The following GPC6 variants were observed in gnomAD, a reference collection of about 807,000 sequenced individuals.
GPC6 encodes glypican 6.
In GPC6, 14 loss-of-function variants were observed where a neutral mutation model predicts 55.2. The observed-to-expected ratio is 0.25, with a 90% CI of 0.17 to 0.40. GPC6 has a LOEUF of 0.40. Among genes scored for constraint, GPC6 ranks in the 10% least tolerant of loss-of-function variants. GPC6 has a pLI of 1.00. For missense variants in GPC6, 641 were observed against 708.5 expected, an observed-to-expected ratio of 0.90 and a Z score of 1.08; for synonymous variants, 278 against 259.6, an observed-to-expected ratio of 1.07 and a Z score of -0.68.
intron 1 of GPC6, among the ~76,000 whole-genome samples, chr13:93,483,453 A>G (rs1879591524): frequency 6.6e-6 from 1 of 152,122 alleles, no homozygotes; most frequent in Admixed American, 6.6e-5. Context: ...AGAAATTAGA[A>G]TGTTAATTTT....
chr13:93,456,241 G>C (rs1049128869), intron 1 of GPC6, among the ~76,000 whole-genome samples: 2 of 152,082 alleles, frequency 1.3e-5, no homozygotes, highest in Non-Finnish European at 2.9e-5. Flanking sequence ...AGAGACAACA[G>C]AACAGGATCA....
chr13:93,240,914 A>T (rs1458870452), intron 1 of GPC6, among the ~76,000 whole-genome samples: 1 of 152,164 alleles, frequency 6.6e-6, no homozygotes, highest in East Asian at 1.9e-4. Context: ...GTTTTGCACC[A>T]TACAAAATTC....
At position 94,027,869 on chromosome 13, in the gene GPC6, C is replaced by A. The variant is rs376813112; in HGVS notation, c.852C>A (p.Leu284=). ...MKGCLANQAD[L]DTEWNLFIDA... ...GCTGCTTGGCAAATCAGGCTGACCT[C>A]GACACAGAGTGGAATCTGTTTATAG... The change falls in exon 4 of 9, where the codon CTC becomes CTA. Residue 284 remains leucine (L), a synonymous_variant. Coordinates refer to ENST00000377047, the MANE Select transcript of GPC6 (RefSeq NM_005708.5). 1 of 1,613,894 alleles carries A rather than the reference C, an allele frequency of 6.2e-7. No individual in the cohort carries two copies. Among genetic ancestry groups the A allele is most frequent in the Non-Finnish European group, 8.5e-7 (1 of 1,179,942 alleles).
chr13:93,782,478 T>C (rs969534554), intron 2 of GPC6, among the ~76,000 whole-genome samples: 1 of 152,160 alleles, frequency 6.6e-6, no homozygotes. Context: ...CATATAGTAG[T>C]TCGATTTTTG....
intron 6 of GPC6, among the ~76,000 whole-genome samples, chr13:94,309,101 C>T (rs1450555845): frequency 6.6e-6 from 1 of 152,096 alleles, no homozygotes; most frequent in Non-Finnish European, 1.5e-5. Flanking sequence ...AAAGATGTTT[C>T]CTGAATATTT....
chr13:93,636,989 C>A (rs9589803), intron 2 of GPC6, among the ~76,000 whole-genome samples: 4 of 151,172 alleles, frequency 2.6e-5, no homozygotes, highest in Non-Finnish European at 5.9e-5. Flanking sequence ...GAGCAGAAAC[C>A]TTTTAGGTTA....
chr13:93,497,745 A>G (rs149046678), intron 1 of GPC6, among the ~76,000 whole-genome samples: 197 of 152,324 alleles, frequency 1.3e-3, no homozygotes, highest in African/African-American at 4.7e-3. Context: ...GTCTCACATA[A>G]ACTTAGTTTG....
At chr13:93,532,746 G>A (rs1881916956) in intron 1 of GPC6, among the ~76,000 whole-genome samples, 1 of 152,124 alleles carries the variant, frequency 6.6e-6, no homozygotes, top group Non-Finnish European at 1.5e-5. Flanking sequence ...GTAAGGGCCA[G>A]AAACACTGGC....
chr13:93,219,574 C>G, the GPC6 span, among the ~76,000 whole-genome samples: 1 of 152,054 alleles, frequency 6.6e-6, no homozygotes, highest in Non-Finnish European at 1.5e-5. Context: ...ACAATCCATT[C>G]AAAATTTTCA....
chr13:93,624,967 G>T (rs1412519324), intron 2 of GPC6, among the ~76,000 whole-genome samples: 1 of 152,148 alleles, frequency 6.6e-6, no homozygotes, highest in Non-Finnish European at 1.5e-5. Flanking sequence ...GAGAGAAAGT[G>T]GTTTCTGGCA....
intron 4 of GPC6, among the ~76,000 whole-genome samples, chr13:94,131,072 A>C (rs972680863): frequency 1.3e-5 from 2 of 152,116 alleles, no homozygotes; most frequent in Non-Finnish European, 2.9e-5. Flanking sequence ...TAGCAGTCTT[A>C]CCTACACAGA....
intron 6 of GPC6, among the ~76,000 whole-genome samples, chr13:94,374,642 G>C (rs1210232638): frequency 6.6e-6 from 1 of 151,458 alleles, no homozygotes; most frequent in Non-Finnish European, 1.5e-5. Flanking sequence ...GTCAACATTA[G>C]ACAGTTCAAC....
intron 4 of GPC6, among the ~76,000 whole-genome samples, chr13:94,247,217 A>C (rs908635180): frequency 2.0e-5 from 3 of 152,126 alleles, no homozygotes; most frequent in Admixed American, 6.6e-5. Flanking sequence ...ACTTGACTGA[A>C]TTAATTTATT....
chr13:94,259,362 A>G (rs1349575377), intron 4 of GPC6, among the ~76,000 whole-genome samples: 6 of 152,228 alleles, frequency 3.9e-5, no homozygotes, highest in African/African-American at 1.4e-4. Flanking sequence ...TTAGGGTTCC[A>G]TTAACATGAA....
chr13:94,304,225 C>T (rs931258851), intron 5 of GPC6, among the ~76,000 whole-genome samples: 52 of 152,152 alleles, frequency 3.4e-4, no homozygotes, highest in African/African-American at 1.1e-3. Flanking sequence ...AGACCAATCT[C>T]GAGGAATGCC....
At chr13:93,377,142 A>G (rs975344058) in intron 1 of GPC6, among the ~76,000 whole-genome samples, 1 of 152,194 alleles carries the variant, frequency 6.6e-6, no homozygotes, top group Non-Finnish European at 1.5e-5. Context: ...GCAGAAAGAC[A>G]AAGGAGTATT....
chr13:94,057,661 C>T (rs1394971659), intron 4 of GPC6, among the ~76,000 whole-genome samples: 3 of 152,160 alleles, frequency 2.0e-5, no homozygotes, highest in African/African-American at 7.2e-5. Flanking sequence ...TATGTACCAT[C>T]ATTATACTGT....
intron 4 of GPC6, among the ~76,000 whole-genome samples, chr13:94,169,052 A>G (rs993672952): frequency 3.9e-5 from 6 of 152,232 alleles, no homozygotes; most frequent in Non-Finnish European, 7.3e-5. Context: ...CTATTAAGGA[A>G]GGCAGACTTT....
chr13:93,217,699 A>G, the GPC6 span, among the ~76,000 whole-genome samples: 1 of 152,198 alleles, frequency 6.6e-6, no homozygotes, highest in Non-Finnish European at 1.5e-5. Flanking sequence ...TTATCTACTT[A>G]AATTAAGGTA....
Sources: allele counts gnomAD v4.1 joint callset (sites outside exome capture counted in the v4.1 genomes callset), GRCh38; gene constraint gnomAD v4.1.1; transcripts MANE v1.5; gene names NCBI Gene and HGNC (gene_info 2026-07-23, HGNC 2026-07-21).